Variants in PCDH9 observed in about 807,000 individuals in gnomAD.
The protein encoded by PCDH9 is protocadherin-9.
PCDH9 carries 24 observed loss-of-function variants against 70.6 expected under a neutral mutation model. The ratio of observed to expected loss-of-function variants is 0.34; its 90% CI spans 0.25 to 0.48. PCDH9 has a LOEUF of 0.48. Ranked by LOEUF, PCDH9 falls within the 20% of genes least tolerant of loss-of-function variation. PCDH9 has a pLI of 0.99. For synonymous variants in PCDH9, 562 were observed against 558.5 expected, an observed-to-expected ratio of 1.01 and a Z score of -0.09; for missense variants, 1,281 against 1,503.6, an observed-to-expected ratio of 0.85 and a Z score of 2.45.
Position 67,140,034 on chromosome 13 carries a change from C to G in PCDH9, c.3036+85371G>C, listed in dbSNP as rs1395546525. 2.9e-4 allele frequency among the ~76,000 whole-genome samples: 37 copies of G among 125,996 alleles called. 4 individuals carry two copies. The highest frequency in any genetic ancestry group is 6.7e-4 in the Admixed American group (8 of 11,980). The allele number at this position is 125,996 out of a possible 152,430, so 82.7% of individuals were successfully genotyped here. A position where few individuals can be genotyped will look rare whatever the true frequency, so the allele number is the denominator to read the frequency against. ...ATGTGATTTTTTGATCACCCCCCCCCCCCCGCCCATTGTGTTATTTTTTAA... is the reference window on the plus strand; with the variant it reads ...ATGTGATTTTTTGATCACCCCCCCCGCCCCGCCCATTGTGTTATTTTTTAA... On this transcript the variant is annotated intron_variant, in intron 2 of 4. Coordinates refer to ENST00000377865, the MANE Select transcript of PCDH9 (RefSeq NM_203487.3).
chr13:66,328,562 T>C (rs1427692535), intron 4 of PCDH9, among the ~76,000 whole-genome samples: 1 of 152,210 alleles, frequency 6.6e-6, no homozygotes, highest in Non-Finnish European at 1.5e-5. Context: ...CTCTCATTTC[T>C]ACTGAGCACT....
chr13:67,034,521 AC>A (rs889940577), intron 2 of PCDH9, among the ~76,000 whole-genome samples: 1 of 152,052 alleles, frequency 6.6e-6, no homozygotes, highest in African/African-American at 2.4e-5. Context: ...AAAAACACAA[AC>A]CAATGTACAT....
chr13:66,838,662 A>G (rs2081065341), intron 3 of PCDH9, among the ~76,000 whole-genome samples: 1 of 152,108 alleles, frequency 6.6e-6, no homozygotes, highest in Admixed American at 6.5e-5. Flanking sequence ...TTGCATTTTA[A>G]TATTACAGTC....
Position 66,503,317 on chromosome 13 carries a change from T to C in PCDH9, c.3340+127893A>G, listed in dbSNP as rs115323261. The stretch of plus-strand genomic sequence containing the variant: ...GGCAAAATAAATCAGTGTTGGGGGA[T>C]GAGAGGGCCTGTTTAAAATACGTAT... On this transcript the variant is annotated intron_variant, in intron 4 of 4. Transcript: ENST00000377865. 5.0e-3 allele frequency among the ~76,000 whole-genome samples: 764 copies of C among 152,250 alleles called. 7 individuals carry two copies. The highest frequency in any genetic ancestry group is 0.017 in the African/African-American group (726 of 41,562).
chr13:66,650,529 A>G (rs2077836230), intron 3 of PCDH9, among the ~76,000 whole-genome samples: 1 of 152,000 alleles, frequency 6.6e-6, no homozygotes, highest in Non-Finnish European at 1.5e-5. Flanking sequence ...AATAATAGCT[A>G]GAGACTTCAA....
chr13:66,416,013 C>A (rs1957453630), intron 4 of PCDH9, among the ~76,000 whole-genome samples: 1 of 152,158 alleles, frequency 6.6e-6, no homozygotes. Context: ...TCTTAGACTA[C>A]TGCAAAACAT....
intron 2 of PCDH9, among the ~76,000 whole-genome samples, chr13:66,915,391 T>C (rs939444925): frequency 6.6e-6 from 1 of 151,628 alleles, no homozygotes; most frequent in African/African-American, 2.4e-5. Flanking sequence ...CCAAGTGAAC[T>C]TTTTCACTTC....
Position 67,225,670 on chromosome 13 carries a change from G to A in PCDH9, c.2771C>T (p.Pro924Leu), listed in dbSNP as rs1487335969. 3 of 1,614,150 alleles carry A rather than the reference G, an allele frequency of 1.9e-6. No individual in the cohort carries two copies. Among genetic ancestry groups the A allele is most frequent in the Non-Finnish European group, 1.7e-6 (2 of 1,180,016 alleles). Residue 924 changes from proline (P) to leucine (L), a missense_variant, in exon 2 of 5, where the codon CCT becomes CTT. Physicochemically the swap from Pro to Leu is moderately conservative, Grantham distance 98. This residue lies in a region of PCDH9 where 207 missense variants were observed against 191.8 expected (regional missense o/e 1.08). Coordinates refer to ENST00000377865, the MANE Select transcript of PCDH9 (RefSeq NM_203487.3). ...SIGRFDWGPA[P>L]PTTFKPNSPD... The stretch of plus-strand genomic sequence containing the variant: ...ACTGTTAGGCTTGAATGTTGTTGGA[G>A]GTGCCGGGCCCCAGTCAAATCTTCC...
chr13:66,818,403 C>T (rs1249348345), intron 3 of PCDH9, among the ~76,000 whole-genome samples: 1 of 151,850 alleles, frequency 6.6e-6, no homozygotes, highest in Non-Finnish European at 1.5e-5. Context: ...ACTTCAAATC[C>T]AAATTTAATT....
intron 3 of PCDH9, among the ~76,000 whole-genome samples, chr13:66,899,155 C>T (rs2082235142): frequency 6.6e-6 from 1 of 152,014 alleles, no homozygotes; most frequent in South Asian, 2.1e-4. Context: ...CACTTATACG[C>T]ATTTAATGAA....
chr13:66,507,191 T>G (rs1380335351), intron 4 of PCDH9, among the ~76,000 whole-genome samples: 2 of 148,370 alleles, frequency 1.3e-5, no homozygotes, highest in Non-Finnish European at 3.0e-5. Flanking sequence ...ACTGTCACCC[T>G]CAGACTTGCA....
intron 2 of PCDH9, chr13:67,203,953 A>C (rs1252342156): frequency 6.6e-6 from 1 of 152,110 alleles, no homozygotes; most frequent in African/African-American, 2.4e-5. Flanking sequence ...AAAAAAATAA[A>C]TAGTAGGCAT....
chr13:66,764,859 TA>T (rs1177467100), intron 3 of PCDH9, among the ~76,000 whole-genome samples: 1 of 151,978 alleles, frequency 6.6e-6, no homozygotes, highest in Non-Finnish European at 1.5e-5. Context: ...GAAATAGCGC[TA>T]AAAATACAAC....
intron 4 of PCDH9, among the ~76,000 whole-genome samples, chr13:66,472,937 C>A (rs913565777): frequency 5.9e-5 from 9 of 151,818 alleles, no homozygotes; most frequent in Non-Finnish European, 1.0e-4. Context: ...ATATTTGGTA[C>A]TTTATGATTT....
chr13:66,398,080 G>A (rs1957133466), intron 4 of PCDH9, among the ~76,000 whole-genome samples: 2 of 151,888 alleles, frequency 1.3e-5, no homozygotes, highest in African/African-American at 4.8e-5. Context: ...AATTCCAAAG[G>A]GTTATATGAC....
At chr13:67,038,763 G>T (rs1216696993) in intron 2 of PCDH9, among the ~76,000 whole-genome samples, 1 of 152,114 alleles carries the variant, frequency 6.6e-6, no homozygotes, top group Non-Finnish European at 1.5e-5. Context: ...GTAATATCTG[G>T]AGTGATCACG....
At chr13:67,027,882 C>G (rs1436833516) in intron 2 of PCDH9, among the ~76,000 whole-genome samples, 2 of 151,894 alleles carry the variant, frequency 1.3e-5, no homozygotes, top group Admixed American at 1.3e-4. Flanking sequence ...CCATCTCATA[C>G]CAGTTAGAAT....
intron 4 of PCDH9, among the ~76,000 whole-genome samples, chr13:66,384,770 T>A (rs1411430592): frequency 1.3e-5 from 2 of 152,160 alleles, no homozygotes; most frequent in East Asian, 1.9e-4. Flanking sequence ...GCACCGGTGA[T>A]CTTCCTGCCT....
chr13:66,364,345 C>G (rs1037035768), intron 4 of PCDH9, among the ~76,000 whole-genome samples: 1 of 151,924 alleles, frequency 6.6e-6, no homozygotes, highest in Admixed American at 6.6e-5. Flanking sequence ...AGGAAGAAAC[C>G]CTACATTTTT....
Sources: gnomAD v4.1 joint callset for allele counts (sites outside exome capture counted in the v4.1 genomes callset) on GRCh38, gnomAD v4.1.1 for gene constraint, gnomAD v4.1.1 regional missense constraint, MANE v1.5 for transcripts, NCBI Gene and HGNC (gene_info 2026-07-23, HGNC 2026-07-21) for gene names.